CCBE1: variants seen among roughly 807,000 people sequenced by gnomAD.
CCBE1 encodes collagen and calcium binding EGF domains 1.
Under a neutral mutation model 50.0 loss-of-function variants are expected in CCBE1, and 37 were observed. That is an observed-to-expected ratio of 0.74 (90% CI 0.57 to 0.97). The LOEUF (loss-of-function observed/expected upper bound fraction) is 0.97. Among genes scored for constraint, CCBE1 ranks in the 50% least tolerant of loss-of-function variants. The pLI is 0.00. For missense variants in CCBE1, 538 were observed against 523.8 expected (o/e 1.03, Z -0.26); for synonymous variants, 234 against 203.7 (o/e 1.15, Z -1.27).
intron 2 of CCBE1, among the ~76,000 whole-genome samples, chr18:59,657,155 A>G (rs192174602): frequency 2.0e-5 from 3 of 152,238 alleles, no homozygotes; most frequent in African/African-American, 7.2e-5. Flanking sequence ...TTGCATGCGT[A>G]TGCTACAACA....
intron 2 of CCBE1, among the ~76,000 whole-genome samples, chr18:59,691,815 A>G (rs942985577): frequency 6.6e-6 from 1 of 152,188 alleles, no homozygotes; most frequent in Non-Finnish European, 1.5e-5. Context: ...CAGCCACAGG[A>G]CAGGGAAACA....
At chr18:59,551,532 G>A (rs1298248233) in intron 2 of CCBE1, among the ~76,000 whole-genome samples, 1 of 152,122 alleles carries the variant, frequency 6.6e-6, no homozygotes, top group Non-Finnish European at 1.5e-5. Flanking sequence ...AGCTTGATAG[G>A]AATTTTTTCA....
chr18:59,625,812 G>A (rs1368187906), intron 2 of CCBE1, among the ~76,000 whole-genome samples: 2 of 152,004 alleles, frequency 1.3e-5, no homozygotes, highest in Non-Finnish European at 2.9e-5. Context: ...TGAGGGGTGG[G>A]GTCTTTGGGG....
chr18:59,544,045 A>G (rs4940892), intron 2 of CCBE1, among the ~76,000 whole-genome samples: 42,634 of 152,000 alleles, frequency 0.28, 6,186 homozygotes, highest in African/African-American at 0.33. Flanking sequence ...TTTCCTTAGA[A>G]AGTAAAATAT....
At chr18:59,623,900 G>A (rs1418063618) in intron 2 of CCBE1, among the ~76,000 whole-genome samples, 2 of 152,152 alleles carry the variant, frequency 1.3e-5, no homozygotes, top group African/African-American at 4.8e-5. Context: ...CCTCACTTTG[G>A]GAGAGATGGG....
chr18:59,621,673 T>G (rs1188099270), intron 2 of CCBE1, among the ~76,000 whole-genome samples: 1 of 152,154 alleles, frequency 6.6e-6, no homozygotes, highest in East Asian at 1.9e-4. Flanking sequence ...AGTCACACCA[T>G]CAGTAGTAAG....
chr18:59,438,407 C>T (rs1458973737), intron 9 of CCBE1, among the ~76,000 whole-genome samples: 1 of 152,204 alleles, frequency 6.6e-6, no homozygotes, highest in Admixed American at 6.5e-5. Flanking sequence ...TATTTCCCAA[C>T]AGCATGTGGA....
At chr18:59,587,924 C>T (rs769607311) in intron 2 of CCBE1, among the ~76,000 whole-genome samples, 2 of 151,986 alleles carry the variant, frequency 1.3e-5, no homozygotes, top group Non-Finnish European at 2.9e-5. Context: ...AAGGAGCCAG[C>T]AATAAGTTGG....
chr18:59,666,433 T>C (rs2054358139), intron 2 of CCBE1, among the ~76,000 whole-genome samples: 1 of 152,078 alleles, frequency 6.6e-6, no homozygotes, highest in Non-Finnish European at 1.5e-5. Context: ...TCCATTTTTG[T>C]GAAAACCAGG....
At chr18:59,583,981 C>T (rs568622249) in intron 2 of CCBE1, among the ~76,000 whole-genome samples, 4 of 152,078 alleles carry the variant, frequency 2.6e-5, no homozygotes, top group African/African-American at 9.6e-5. Flanking sequence ...ACCATTTGAC[C>T]CAGCCATCCC....
At chr18:59,609,752 C>T (rs1460354141) in intron 2 of CCBE1, among the ~76,000 whole-genome samples, 1 of 152,116 alleles carries the variant, frequency 6.6e-6, no homozygotes, top group Non-Finnish European at 1.5e-5. Flanking sequence ...GGGTCTATTC[C>T]TCTCCTGTAA....
rs750178012 is a variant in CCBE1, at chr18:59,466,847, TGTGGGCACACAGC to T, written c.432_444del (p.Leu145SerfsTer45). ...TAGCTGCCCAAGGTATTGATGCAGA[TGTGGGCACACAGC>T]GTCCCATTGCTGCTGGCACACTCAT... On this transcript the variant is annotated frameshift_variant, in exon 5 of 11. Coordinates refer to ENST00000439986, the MANE Select transcript of CCBE1 (RefSeq NM_133459.4). LOFTEE classifies it high-confidence loss of function. 1 of 1,613,714 alleles carries T rather than the reference TGTGGGCACACAGC, an allele frequency of 6.2e-7. No individual in the cohort carries two copies.
chr18:59,583,672 TGTGTGTGTGCGCGCGC>T (rs1348879196), intron 2 of CCBE1, among the ~76,000 whole-genome samples: 9 of 95,354 alleles, frequency 9.4e-5, no homozygotes, highest in African/African-American at 4.0e-4. Flanking sequence ...TGTGTGTGTG[TGTGTGTGTGCGCGCGC>T]GCGCGCGCGC....
rs533267861 is a variant in CCBE1 at position 59,584,867 on chromosome 18, G to A, written c.213-104629C>T. 1.1e-3 allele frequency among the ~76,000 whole-genome samples: 160 copies of A among 152,210 alleles called. 1 individual carries two copies. The highest frequency in any genetic ancestry group is 3.7e-3 in the African/African-American group (153 of 41,530). ...TATTTCTTAATAGCAATGCAAGAACGGACTAATACACAAACTCAAAGCCTT... is the reference window on the plus strand; with the variant it reads ...TATTTCTTAATAGCAATGCAAGAACAGACTAATACACAAACTCAAAGCCTT... On this transcript the variant is annotated intron_variant, in intron 2 of 10. Transcript: ENST00000439986.
intron 2 of CCBE1, among the ~76,000 whole-genome samples, chr18:59,605,189 G>A (rs1468175502): frequency 6.6e-6 from 1 of 152,226 alleles, no homozygotes; most frequent in Non-Finnish European, 1.5e-5. Flanking sequence ...AAATGGAGAA[G>A]GAAGGAGTCT....
chr18:59,602,787 A>G (rs984879700), intron 2 of CCBE1, among the ~76,000 whole-genome samples: 2 of 152,238 alleles, frequency 1.3e-5, no homozygotes, highest in Non-Finnish European at 2.9e-5. Context: ...GTTAAGTGCC[A>G]GAAGACTACA....
chr18:59,528,083 G>A (rs4940890), intron 2 of CCBE1, among the ~76,000 whole-genome samples: 42,135 of 152,016 alleles, frequency 0.28, 6,038 homozygotes, highest in African/African-American at 0.33. Context: ...TTCCAACTTG[G>A]CTCTGTTCTC....
At chr18:59,559,661 A>G (rs1024032493) in intron 2 of CCBE1, among the ~76,000 whole-genome samples, 1 of 152,204 alleles carries the variant, frequency 6.6e-6, no homozygotes, top group Non-Finnish European at 1.5e-5. Flanking sequence ...ACCAAAGACC[A>G]CGTGTGGACT....
chr18:59,455,706 G>C (rs1299089213), intron 5 of CCBE1, among the ~76,000 whole-genome samples: 2 of 152,256 alleles, frequency 1.3e-5, no homozygotes, highest in African/African-American at 4.8e-5. Flanking sequence ...ATGCTGGGGA[G>C]ACCAGCCACC....
Sources: allele counts gnomAD v4.1 joint callset (sites outside exome capture counted in the v4.1 genomes callset), GRCh38; gene constraint gnomAD v4.1.1; transcripts MANE v1.5; gene names NCBI Gene and HGNC (gene_info 2026-07-23, HGNC 2026-07-21).